The following ADAMTSL3 variants were observed in gnomAD, a reference collection of about 807,000 sequenced individuals.
The protein encoded by ADAMTSL3 is ADAMTS like 3, also known as ADAMTS-like protein 3.
In ADAMTSL3, 128 loss-of-function variants were observed where a neutral mutation model predicts 201.7. The observed-to-expected ratio is 0.63, with a 90% CI of 0.55 to 0.73. ADAMTSL3 has a LOEUF of 0.73. Ranked by LOEUF, ADAMTSL3 falls within the 30% of genes least tolerant of loss-of-function variation. ADAMTSL3 has a pLI of 0.00. For missense variants in ADAMTSL3, 1,990 were observed against 2,119.6 expected, an observed-to-expected ratio of 0.94 and a Z score of 1.20; for synonymous variants, 738 against 748.4, an observed-to-expected ratio of 0.99 and a Z score of 0.23.
chr15:83,901,074 G>A (rs951909400), intron 15 of ADAMTSL3, among the ~76,000 whole-genome samples: 3 of 152,138 alleles, frequency 2.0e-5, no homozygotes, highest in Non-Finnish European at 2.9e-5. Context: ...AAAGTGATGT[G>A]GGCCAACATA....
intron 17 of ADAMTSL3, among the ~76,000 whole-genome samples, chr15:83,936,508 C>G (rs1185390788): frequency 6.6e-6 from 1 of 150,764 alleles, no homozygotes. Flanking sequence ...GATAGACATA[C>G]TGAACAACTG....
intron 3 of ADAMTSL3, among the ~76,000 whole-genome samples, chr15:83,761,629 C>G (rs1472476504): frequency 5.5e-4 from 84 of 152,170 alleles, no homozygotes; most frequent in Non-Finnish European, 2.9e-5. Flanking sequence ...ATTTGGCAAC[C>G]TGCAGTTCTC....
intron 3 of ADAMTSL3, among the ~76,000 whole-genome samples, chr15:83,705,247 T>A (rs768192207): frequency 1.4e-4 from 22 of 152,092 alleles, no homozygotes; most frequent in Non-Finnish European, 2.4e-4. Context: ...GACTTTAAGA[T>A]GATGTAGGGC....
At chr15:83,858,742 C>T in intron 7 of ADAMTSL3, 24 bp from the exon 8 acceptor site, 1 of 1,591,370 alleles carries the variant, frequency 6.3e-7, no homozygotes, top group Non-Finnish European at 8.6e-7. Flanking sequence ...GGTTTTATTG[C>T]AGTTGCGTTC....
intron 22 of ADAMTSL3, among the ~76,000 whole-genome samples, chr15:83,990,294 G>T (rs530050813): frequency 1.3e-5 from 2 of 152,128 alleles, no homozygotes; most frequent in African/African-American, 2.4e-5. Flanking sequence ...CTGAACCGTG[G>T]TTACATCCTG....
intron 19 of ADAMTSL3, among the ~76,000 whole-genome samples, chr15:83,948,445 C>CACACACAG (rs1248281072): frequency 1.4e-5 from 2 of 146,572 alleles, no homozygotes; most frequent in Non-Finnish European, 3.0e-5. Context: ...CACACACACA[C>CACACACAG]AGAGTTATGA....
At chr15:83,988,847 C>T in intron 22 of ADAMTSL3, 29 bp downstream of exon 22, 1 of 1,357,694 alleles carries the variant, frequency 7.4e-7, no homozygotes, top group Non-Finnish European at 9.5e-7. Context: ...ATCTAGAATG[C>T]CTGGTTCTTT....
At chr15:83,927,935 C>T (rs1322093716) in intron 17 of ADAMTSL3, among the ~76,000 whole-genome samples, 3 of 151,740 alleles carry the variant, frequency 2.0e-5, no homozygotes, top group Non-Finnish European at 4.4e-5. Flanking sequence ...TTCGAATTTA[C>T]ACAGACTTAA....
At chr15:84,022,395 A>T (rs1021700455) in intron 26 of ADAMTSL3, among the ~76,000 whole-genome samples, 1 of 152,240 alleles carries the variant, frequency 6.6e-6, no homozygotes, top group East Asian at 1.9e-4. Context: ...TCGACTTCAC[A>T]AGATGATCTT....
intron 4 of ADAMTSL3, among the ~76,000 whole-genome samples, chr15:83,800,969 C>T (rs2063506208): frequency 6.6e-6 from 1 of 152,152 alleles, no homozygotes; most frequent in Non-Finnish European, 1.5e-5. Context: ...ATAGGCATAG[C>T]TGTTGTTTCC....
At chr15:83,691,844 C>G (rs1449053398) in intron 2 of ADAMTSL3, among the ~76,000 whole-genome samples, 1 of 152,118 alleles carries the variant, frequency 6.6e-6, no homozygotes, top group Non-Finnish European at 1.5e-5. Flanking sequence ...GAACTCCTGA[C>G]CTCAAGTGAT....
intron 4 of ADAMTSL3, among the ~76,000 whole-genome samples, chr15:83,797,416 C>T (rs74953940): frequency 0.014 from 2,188 of 152,146 alleles, 49 homozygotes; most frequent in African/African-American, 0.047. Context: ...AGTTTGAGAC[C>T]AGCAAGACGA....
chr15:83,780,147 C>T (rs1049942680), intron 4 of ADAMTSL3, among the ~76,000 whole-genome samples: 5 of 152,066 alleles, frequency 3.3e-5, no homozygotes, highest in Non-Finnish European at 7.4e-5. Context: ...TAGTGGCTCA[C>T]GCCTGTAATC....
chr15:83,795,048 G>C (rs910580312), intron 4 of ADAMTSL3, among the ~76,000 whole-genome samples: 1 of 151,980 alleles, frequency 6.6e-6, no homozygotes. Flanking sequence ...GAGACAGCGT[G>C]TCACCATGCT....
intron 9 of ADAMTSL3, 59 bp from the exon 10 acceptor site, chr15:83,885,042 G>A: frequency 9.1e-7 from 1 of 1,098,032 alleles, no homozygotes; most frequent in Non-Finnish European, 1.4e-6. Flanking sequence ...TATTTTGAAA[G>A]GTGTGGAAAG....
At chr15:83,678,794 T>TA (rs2061439759) in intron 2 of ADAMTSL3, among the ~76,000 whole-genome samples, 2 of 39,192 alleles carry the variant, frequency 5.1e-5, no homozygotes, top group Non-Finnish European at 8.8e-5. Context: ...TATATGTATA[T>TA]ATAATATATA....
At chr15:83,963,305 G>A (rs2067008071) in intron 19 of ADAMTSL3, among the ~76,000 whole-genome samples, 1 of 152,156 alleles carries the variant, frequency 6.6e-6, no homozygotes, top group Non-Finnish European at 1.5e-5. Flanking sequence ...GACCTGGGAT[G>A]CTCCAGCTTG....
chr15:83,866,112 G>A (rs2064969882), intron 8 of ADAMTSL3, among the ~76,000 whole-genome samples: 1 of 152,230 alleles, frequency 6.6e-6, no homozygotes, highest in African/African-American at 2.4e-5. Context: ...GGAAACAACA[G>A]GTGCTGGAGA....
chr15:83,824,508 C>G (rs945250149), intron 6 of ADAMTSL3, among the ~76,000 whole-genome samples: 1 of 152,168 alleles, frequency 6.6e-6, no homozygotes, highest in Non-Finnish European at 1.5e-5. Context: ...TCATAGTTTA[C>G]ATTAGGCCTC....
Sources: allele counts gnomAD v4.1 joint callset (sites outside exome capture counted in the v4.1 genomes callset), GRCh38; gene constraint gnomAD v4.1.1; transcripts MANE v1.5; gene names NCBI Gene and HGNC (gene_info 2026-07-23, HGNC 2026-07-21).